Variants in MYO1E observed in about 807,000 individuals in gnomAD.
MYO1E encodes the protein unconventional myosin-Ie.
MYO1E carries 68 observed loss-of-function variants against 151.1 expected under a neutral mutation model. The ratio of observed to expected loss-of-function variants is 0.45; its 90% CI spans 0.37 to 0.55. The LOEUF (loss-of-function observed/expected upper bound fraction) is 0.55, where lower values mean the gene tolerates loss of function less well. MYO1E is among the 20% of genes least tolerant of loss of function. The probability of loss-of-function intolerance (pLI) is 0.00; values close to 1 mark genes in which losing one functional copy is unlikely to be tolerated. For synonymous variants in MYO1E, 601 were observed against 501.7 expected (o/e 1.20, Z -2.64); for missense variants, 1,363 against 1,389.3 (o/e 0.98, Z 0.30).
chr15:59,175,360 C>G (rs1182211036), intron 19 of MYO1E, among the ~76,000 whole-genome samples: 1 of 152,114 alleles, frequency 6.6e-6, no homozygotes, highest in Non-Finnish European at 1.5e-5. Context: ...CAAAAATGTT[C>G]CAGAAGTAAA....
At chr15:59,313,974 T>C (rs2140412568) in intron 1 of MYO1E, among the ~76,000 whole-genome samples, 1 of 152,356 alleles carries the variant, frequency 6.6e-6, no homozygotes, top group African/African-American at 2.4e-5. Flanking sequence ...TTAGACAGCG[T>C]GGCCTCCTGC....
At chr15:59,289,171 G>A (rs2080404976) in intron 1 of MYO1E, among the ~76,000 whole-genome samples, 1 of 152,162 alleles carries the variant, frequency 6.6e-6, no homozygotes, top group East Asian at 1.9e-4. Flanking sequence ...CTGACTCCCA[G>A]CCCAGCACTG....
chr15:59,214,912 C>G (rs1338698634), intron 10 of MYO1E, among the ~76,000 whole-genome samples, 192 bp from the exon 11 acceptor site: 2 of 152,152 alleles, frequency 1.3e-5, no homozygotes, highest in African/African-American at 4.8e-5. Context: ...GGAAAACCAC[C>G]AGGATTCAGA....
At chr15:59,201,158 A>G (rs1467646496) in intron 16 of MYO1E, among the ~76,000 whole-genome samples, 1 of 147,270 alleles carries the variant, frequency 6.8e-6, no homozygotes, top group Non-Finnish European at 1.5e-5. Flanking sequence ...CCCAGGCTGG[A>G]GCAATCATGG....
chr15:59,314,473 C>CA (rs2080573371), intron 1 of MYO1E, among the ~76,000 whole-genome samples: 1 of 152,130 alleles, frequency 6.6e-6, no homozygotes, highest in Admixed American at 6.5e-5. Context: ...AGGTAGCAGC[C>CA]ATGATGGTTA....
chr15:59,354,472 C>A (rs2080842792), intron 1 of MYO1E, among the ~76,000 whole-genome samples: 1 of 152,148 alleles, frequency 6.6e-6, no homozygotes, highest in African/African-American at 2.4e-5. Context: ...CTAACCACTC[C>A]CCCACAAACG....
chr15:59,210,138 G>T (rs1294484605), intron 13 of MYO1E, among the ~76,000 whole-genome samples: 4 of 152,046 alleles, frequency 2.6e-5, no homozygotes. Context: ...AAAGTACTGG[G>T]ATTACAGGCA....
chr15:59,288,130 C>A lies in MYO1E; in HGVS notation c.4-15681G>T, dbSNP rs188716008. 1.3e-3 allele frequency among the ~76,000 whole-genome samples: 191 copies of A among 152,294 alleles called. 1 individual carries two copies. The highest frequency in any genetic ancestry group is 4.4e-3 in the African/African-American group (183 of 41,558). On this transcript the variant is annotated intron_variant, in intron 1 of 27. Coordinates refer to ENST00000288235, the MANE Select transcript of MYO1E (RefSeq NM_004998.4). Reference sequence around the variant, plus strand: ...ACTACCACTGTCACTCACCGACTCACCAAATATTGGGCAAATAATTCTATT... The same window carrying A: ...ACTACCACTGTCACTCACCGACTCAACAAATATTGGGCAAATAATTCTATT...
At chr15:59,368,738 T>TC (rs1291631857) in intron 1 of MYO1E, among the ~76,000 whole-genome samples, 2 of 151,202 alleles carry the variant, frequency 1.3e-5, no homozygotes, top group African/African-American at 4.9e-5. Flanking sequence ...AGTGAGAGAC[T>TC]CCAACTCAAA....
At chr15:59,309,451 C>A (rs1439875154) in intron 1 of MYO1E, among the ~76,000 whole-genome samples, 2 of 152,152 alleles carry the variant, frequency 1.3e-5, no homozygotes, top group African/African-American at 4.8e-5. Flanking sequence ...TAAACAGATG[C>A]AAAAACTGTT....
rs2140436261 is a variant in MYO1E, at chr15:59,353,389, GAAAAGAAAA to G, written c.3+19100_3+19108del. Among the ~76,000 whole-genome samples the G allele has an allele frequency of 2.1e-5, 3 of 140,478 alleles. No individual in the cohort carries two copies. The East Asian group carries it at 6.2e-4, about 29-fold the overall frequency. The allele number at this position is 140,478 out of a possible 152,430, so 92.2% of individuals were successfully genotyped here. A position where few individuals can be genotyped will look rare whatever the true frequency, so the allele number is the denominator to read the frequency against. ...AAAAAAAAAAGAAAAGAAAAGAAAA[GAAAAGAAAA>G]AAAAGAAAAAAAAATCCATTTACAA... On this transcript the variant is annotated intron_variant, in intron 1 of 27. Coordinates refer to ENST00000288235, the MANE Select transcript of MYO1E (RefSeq NM_004998.4).
Position 59,231,760 on chromosome 15 carries a change from G to T in MYO1E, c.452C>A (p.Pro151Gln), listed in dbSNP as rs1336143871. Residue 151 changes from proline to glutamine, a missense_variant, in exon 6 of 28, where the codon CCG becomes CAG. Pro to Gln is a moderately conservative substitution (Grantham distance 76). Coordinates refer to ENST00000288235, the MANE Select transcript of MYO1E (RefSeq NM_004998.4). Reference sequence around the variant, plus strand: ...GGCGTTCCCGAAGGCCTCCAGCAGCGGGTTGGACTGCAGGATAATGTCCTT... The same window carrying T: ...GGCGTTCCCGAAGGCCTCCAGCAGCTGGTTGGACTGCAGGATAATGTCCTT... ...HVKDIILQSN[P>Q]LLEAFGNAKT... 2 of 1,614,036 alleles carry T rather than the reference G, an allele frequency of 1.2e-6. No homozygotes were observed. The highest frequency in any genetic ancestry group is 1.7e-6 in the Non-Finnish European group (2 of 1,180,024).
At chr15:59,286,174 G>A (rs1384761907) in intron 1 of MYO1E, among the ~76,000 whole-genome samples, 1 of 152,238 alleles carries the variant, frequency 6.6e-6, no homozygotes, top group Non-Finnish European at 1.5e-5. Flanking sequence ...TCAGCAGGCT[G>A]TGGCAGAGTT....
intron 1 of MYO1E, among the ~76,000 whole-genome samples, chr15:59,364,518 AC>A (rs2080902658): frequency 6.6e-6 from 1 of 152,242 alleles, no homozygotes; most frequent in Non-Finnish European, 1.5e-5. Context: ...CCAAAATATA[AC>A]AAATATGCTT....
At chr15:59,164,781 G>A (rs2079555145) in intron 22 of MYO1E, among the ~76,000 whole-genome samples, 2 of 152,220 alleles carry the variant, frequency 1.3e-5, no homozygotes, top group Admixed American at 6.5e-5. Flanking sequence ...TCTCCAGACT[G>A]AGACAGGGAG....
chr15:59,283,287 T>C (rs1326176835), intron 1 of MYO1E, among the ~76,000 whole-genome samples: 2 of 152,068 alleles, frequency 1.3e-5, no homozygotes, highest in East Asian at 1.9e-4. Flanking sequence ...TTTGTTTCTG[T>C]TTTTCCACAG....
intron 1 of MYO1E, among the ~76,000 whole-genome samples, chr15:59,276,353 G>T (rs74020335): frequency 0.19 from 28,574 of 152,120 alleles, 2,733 homozygotes; most frequent in African/African-American, 0.22. Flanking sequence ...TAAACAGGTG[G>T]ATACTCAGCA....
intron 18 of MYO1E, among the ~76,000 whole-genome samples, chr15:59,186,810 G>C (rs2079701255): frequency 6.6e-6 from 1 of 152,118 alleles, no homozygotes; most frequent in Admixed American, 6.5e-5. Flanking sequence ...TTCCTTCAAG[G>C]AAATTAAATA....
intron 21 of MYO1E, among the ~76,000 whole-genome samples, chr15:59,172,325 C>T (rs1311617541): frequency 6.6e-6 from 1 of 152,146 alleles, no homozygotes; most frequent in Non-Finnish European, 1.5e-5. Context: ...CCATTGCACT[C>T]CAGCCTGGGT....
Sources: allele counts gnomAD v4.1 joint callset (sites outside exome capture counted in the v4.1 genomes callset), GRCh38; gene constraint gnomAD v4.1.1; transcripts MANE v1.5; gene names NCBI Gene and HGNC (gene_info 2026-07-23, HGNC 2026-07-21).